TUBGCP4: variants seen among roughly 807,000 people sequenced by gnomAD.
TUBGCP4 encodes gamma-tubulin complex component 4.
TUBGCP4 carries 54 observed loss-of-function variants against 91.6 expected under a neutral mutation model. That is an observed-to-expected ratio of 0.59 (90% CI 0.47 to 0.74). The LOEUF (loss-of-function observed/expected upper bound fraction) is 0.74. Ranked by LOEUF, TUBGCP4 falls within the 30% of genes least tolerant of loss-of-function variation. The pLI, the probability that TUBGCP4 is intolerant of heterozygous loss-of-function variation, is 0.00. For missense variants in TUBGCP4, 593 were observed against 800.9 expected, an observed-to-expected ratio of 0.74 and a Z score of 3.13; for synonymous variants, 297 against 302.8, an observed-to-expected ratio of 0.98 and a Z score of 0.20.
At chr15:43,377,777 C>A in intron 4 of TUBGCP4, 70 bp from the exon 5 acceptor site, 1 of 1,230,086 alleles carries the variant, frequency 8.1e-7, no homozygotes, top group Non-Finnish European at 1.2e-6. Flanking sequence ...GAAACAAAAG[C>A]ATTTCCCAAG....
chr15:43,387,944 G>T (rs531085922), intron 9 of TUBGCP4, among the ~76,000 whole-genome samples: 2 of 152,112 alleles, frequency 1.3e-5, no homozygotes, highest in Non-Finnish European at 2.9e-5. Flanking sequence ...CGCCTCCCGG[G>T]TTGAAGCAAT....
chr15:43,389,982 A>C (rs944574483), intron 9 of TUBGCP4, among the ~76,000 whole-genome samples: 10 of 152,094 alleles, frequency 6.6e-5, no homozygotes, highest in African/African-American at 2.4e-4. Context: ...CAGCATGAGA[A>C]AGACCACCCC....
chr15:43,403,758 C>G lies in TUBGCP4; in HGVS notation c.1807C>G (p.Leu603Val). Residue 603 changes from leucine to valine, a missense_variant, in exon 16 of 18, where the codon CTG (leucine) becomes GTG (valine). Coordinates refer to ENST00000564079, the MANE Select transcript of TUBGCP4 (RefSeq NM_014444.5). ...GCTGGTCAGTCAGAACCTAGGCCCA[C>G]TGGATGAGCGTGGAGCCGCCCAGCT... ...CSLVSQNLGP[L>V]DERGAAQLSI... 6.2e-7 allele frequency: 1 copy of G among 1,613,924 alleles called. No homozygotes were observed. The highest frequency in any genetic ancestry group is 1.1e-5 in the South Asian group (1 of 91,054).
At position 43,407,306 on chromosome 15, in the gene TUBGCP4, C is replaced by CACAAG; in HGVS notation, c.*2096_*2100dup. On this transcript the variant is annotated 3_prime_UTR_variant, in exon 18 of 18. Transcript: ENST00000564079. ...GATCCATGCAAGGAATCCAGTTACA[C>CACAAG]ACAAGACACATTTAAAACCTGGTTA... 2 of 1,302,544 alleles carry CACAAG rather than the reference C, an allele frequency of 1.5e-6. No individual in the cohort carries two copies. The highest frequency in any genetic ancestry group is 2.2e-6 in the Non-Finnish European group (2 of 915,580). The allele number at this position is 1,302,544 out of a possible 1,614,324, so 80.7% of individuals were successfully genotyped here.
chr15:43,377,611 CAAAAAAAA>C, intron 4 of TUBGCP4: 5 of 257,292 alleles, frequency 1.9e-5, no homozygotes, highest in Non-Finnish European at 2.7e-5. Context: ...GACCCTGTCT[CAAAAAAAA>C]AAAAAAAAAG....
chr15:43,376,009 A>T (rs2044198264), intron 1 of TUBGCP4, 89 bp from the exon 2 acceptor site: 1 of 1,558,786 alleles, frequency 6.4e-7, no homozygotes, highest in African/African-American at 1.4e-5. Context: ...GAGAAAGAAA[A>T]CGATAAATGT....
At chr15:43,403,468 G>GTAA in intron 15 of TUBGCP4, 1 of 502,792 alleles carries the variant, frequency 2.0e-6, no homozygotes, top group Non-Finnish European at 3.6e-6. Context: ...GGCTAAGAGA[G>GTAA]TAATACTCGC....
Position 43,377,948 on chromosome 15 carries a change from A to T in TUBGCP4, c.441+45A>T, listed in dbSNP as rs767667414. ...CTTTTGCTTTGCTAAGCACTGAGGG[A>T]ATATTACTAATTAATTTTGCTTTAC... On this transcript the variant is annotated intron_variant, in intron 5 of 17. Coordinates refer to ENST00000564079, the MANE Select transcript of TUBGCP4 (RefSeq NM_014444.5). 16 of 1,403,724 alleles carry T rather than the reference A, an allele frequency of 1.1e-5. No homozygotes were observed. In the South Asian group the frequency reaches 2.1e-4, roughly 18 times the overall value. 87.0% of individuals were successfully genotyped at this position (1,403,724 alleles called of 1,614,324 possible).
chr15:43,373,758 C>T (rs1274868605), intron 1 of TUBGCP4, among the ~76,000 whole-genome samples: 3 of 151,954 alleles, frequency 2.0e-5, no homozygotes, highest in Non-Finnish European at 2.9e-5. Flanking sequence ...ACGCCATTCT[C>T]CTGCCTCAGC....
chr15:43,376,388 G>T (rs2044205181), intron 2 of TUBGCP4, 115 bp from the exon 3 acceptor site: 6 of 1,600,734 alleles, frequency 3.7e-6, no homozygotes, highest in South Asian at 3.3e-5. Flanking sequence ...TCAAGTGAAG[G>T]CAAGGCCTCT....
chr15:43,380,817 A>G (rs1012015539), intron 6 of TUBGCP4, among the ~76,000 whole-genome samples: 2 of 152,202 alleles, frequency 1.3e-5, no homozygotes, highest in African/African-American at 4.8e-5. Context: ...GATTACAACA[A>G]TATGAAAACA....
intron 9 of TUBGCP4, among the ~76,000 whole-genome samples, chr15:43,391,925 C>T (rs181982645): frequency 9.2e-5 from 14 of 152,014 alleles, no homozygotes; most frequent in Admixed American, 7.9e-4. Flanking sequence ...TGCAGTGGTG[C>T]GTGCCTATAG....
In TUBGCP4 at chr15:43,375,596, A is replaced by C. The variant is rs139454952; in HGVS notation, c.79-502A>C. ...ATATATATGGCCAGTTATAAGGTGC[A>C]TTTACAGATAATAGGTATGCTTAAT... On this transcript the variant is annotated intron_variant, in intron 1 of 17. Transcript: ENST00000564079. Among the ~76,000 whole-genome samples the C allele has an allele frequency of 2.5e-4, 38 of 152,340 alleles. No homozygotes were observed. The East Asian group carries it at 7.1e-3, about 29-fold the overall frequency.
At position 43,406,890 on chromosome 15, in the gene TUBGCP4, GATCTC is replaced by G; in HGVS notation, c.*1678_*1682del. ...TGGGGAGTACCCACAGGTGAGCTGT[GATCTC>G]AGCTCAGAGAGAGAGCATGAGGTCT... On this transcript the variant is annotated 3_prime_UTR_variant, in exon 18 of 18. Coordinates refer to ENST00000564079, the MANE Select transcript of TUBGCP4 (RefSeq NM_014444.5). The G allele has an allele frequency of 7.4e-6, 2 of 271,678 alleles. No homozygotes were observed. The highest frequency in any genetic ancestry group is 8.0e-5 in the South Asian group (2 of 24,922). 16.8% of individuals were successfully genotyped at this position (271,678 alleles called of 1,614,324 possible). A position where few individuals can be genotyped will look rare whatever the true frequency, so the allele number is the denominator to read the frequency against.
In TUBGCP4 at chr15:43,400,182, C is replaced by T; in HGVS notation, c.1557C>T (p.His519=). The T allele has an allele frequency of 4.3e-6, 7 of 1,614,150 alleles. No individual in the cohort carries two copies. Among genetic ancestry groups the T allele is most frequent in the Non-Finnish European group, 5.9e-6 (7 of 1,180,032 alleles). ...TDAIKWRLRN[H]MAFLVDNLQY... The stretch of plus-strand genomic sequence containing the variant: ...CAATCAAGTGGCGCCTAAGAAATCA[C>T]ATGGCATTTTTGGTGGATAATCTTC... The change falls in exon 14 of 18, where the codon CAC becomes CAT. Residue 519 remains histidine (H), a synonymous_variant. Coordinates refer to ENST00000564079, the MANE Select transcript of TUBGCP4 (RefSeq NM_014444.5).
intron 5 of TUBGCP4, 24 bp from the exon 6 acceptor site, chr15:43,380,060 T>G: frequency 6.2e-7 from 1 of 1,612,828 alleles, no homozygotes; most frequent in South Asian, 1.1e-5. Flanking sequence ...GGAATCCAGT[T>G]TGACAAGGCC....
At chr15:43,402,992 G>C (rs1370726779) in intron 15 of TUBGCP4, 1 of 152,224 alleles carries the variant, frequency 6.6e-6, no homozygotes, top group Non-Finnish European at 1.5e-5. Flanking sequence ...AAGAACTACT[G>C]TGATGGGTAG....
chr15:43,401,649 A>G (rs1041049854), intron 14 of TUBGCP4, 67 bp from the exon 15 acceptor site: 4 of 1,523,044 alleles, frequency 2.6e-6, no homozygotes, highest in Non-Finnish European at 3.6e-6. Flanking sequence ...TCAATCTGTC[A>G]GGCATCTTAA....
chr15:43,392,336 A>G (rs1263252010), intron 9 of TUBGCP4, among the ~76,000 whole-genome samples: 1 of 148,854 alleles, frequency 6.7e-6, no homozygotes, highest in Non-Finnish European at 1.5e-5. Flanking sequence ...TATATTCTAT[A>G]TAATTCTAAT....
Sources: gnomAD v4.1 joint callset for allele counts (sites outside exome capture counted in the v4.1 genomes callset) on GRCh38, gnomAD v4.1.1 for gene constraint, MANE v1.5 for transcripts, NCBI Gene and HGNC (gene_info 2026-07-23, HGNC 2026-07-21) for gene names.